SIPA1L3: variants seen among roughly 807,000 people sequenced by gnomAD.
The protein encoded by SIPA1L3 is signal-induced proliferation-associated 1-like protein 3.
A neutral mutation model predicts 150.1 loss-of-function variants in SIPA1L3; 59 were observed. The ratio of observed to expected loss-of-function variants is 0.39; its 90% CI spans 0.32 to 0.49. The LOEUF (loss-of-function observed/expected upper bound fraction) is 0.49, where lower values mean the gene tolerates loss of function less well. Ranked by LOEUF, SIPA1L3 falls within the 20% of genes least tolerant of loss-of-function variation. SIPA1L3 has a pLI of 0.86. For missense variants in SIPA1L3, 2,211 were observed against 2,489.5 expected, an observed-to-expected ratio of 0.89 and a Z score of 2.38; for synonymous variants, 1,070 against 1,077.6, an observed-to-expected ratio of 0.99 and a Z score of 0.14.
chr19:37,977,326 G>A (rs1444177603), intron 1 of SIPA1L3, among the ~76,000 whole-genome samples: 3 of 151,226 alleles, frequency 2.0e-5, no homozygotes, highest in African/African-American at 4.9e-5. Context: ...CACCATGCCC[G>A]GCTAATTTTT....
At chr19:37,939,844 A>G (rs1302280532) in intron 1 of SIPA1L3, among the ~76,000 whole-genome samples, 1 of 152,180 alleles carries the variant, frequency 6.6e-6, no homozygotes, top group Admixed American at 6.6e-5. Flanking sequence ...GCAGCCGGTA[A>G]TGTCACTAGT....
intron 15 of SIPA1L3, among the ~76,000 whole-genome samples, chr19:38,178,701 C>G (rs1972498104): frequency 6.6e-6 from 1 of 152,252 alleles, no homozygotes; most frequent in Non-Finnish European, 1.5e-5. Flanking sequence ...TGGTCTCGAT[C>G]TCCTGACCTC....
intron 1 of SIPA1L3, among the ~76,000 whole-genome samples, chr19:37,962,463 CTTTTTTT>C (rs71177491): frequency 1.4e-5 from 1 of 73,102 alleles, no homozygotes; most frequent in Non-Finnish European, 2.3e-5. Flanking sequence ...TGCAGCCGGC[CTTTTTTT>C]TTTTTTTTTT....
At chr19:38,022,758 A>G (rs1380775495) in intron 1 of SIPA1L3, among the ~76,000 whole-genome samples, 1 of 152,222 alleles carries the variant, frequency 6.6e-6, no homozygotes, top group Non-Finnish European at 1.5e-5. Flanking sequence ...AACAGAAAAC[A>G]GTGCCTGGCA....
At chr19:38,137,241 T>C (rs1802939959) in intron 10 of SIPA1L3, among the ~76,000 whole-genome samples, 1 of 152,090 alleles carries the variant, frequency 6.6e-6, no homozygotes, top group Non-Finnish European at 1.5e-5. Context: ...CAGGCTGGAG[T>C]GCAGTGGCAT....
At chr19:38,113,570 T>C (rs1285699669) in intron 8 of SIPA1L3, among the ~76,000 whole-genome samples, 1 of 149,514 alleles carries the variant, frequency 6.7e-6, no homozygotes, top group Admixed American at 6.6e-5. Flanking sequence ...GTGAGCCCCA[T>C]TGCACTCCAG....
intron 9 of SIPA1L3, 35 bp from the exon 10 acceptor site, chr19:38,130,463 A>G: frequency 6.3e-7 from 1 of 1,585,296 alleles, no homozygotes; most frequent in South Asian, 1.2e-5. Context: ...TGACCCAAGC[A>G]GCTTCTGAGG....
chr19:38,032,842 G>C (rs1968683494), intron 2 of SIPA1L3, among the ~76,000 whole-genome samples: 1 of 119,252 alleles, frequency 8.4e-6, no homozygotes, highest in Non-Finnish European at 1.7e-5. Flanking sequence ...AACAGAGCGA[G>C]ACTCGGTCTC....
At chr19:38,124,672 G>A (rs1052572770) in intron 9 of SIPA1L3, among the ~76,000 whole-genome samples, 2 of 152,210 alleles carry the variant, frequency 1.3e-5, no homozygotes, top group African/African-American at 4.8e-5. Context: ...GGAGGTTGTA[G>A]CAAGCCGAGA....
At chr19:38,188,427 C>T (rs1972734783) in intron 16 of SIPA1L3, among the ~76,000 whole-genome samples, 3 of 151,652 alleles carry the variant, frequency 2.0e-5, no homozygotes, top group Non-Finnish European at 2.9e-5. Flanking sequence ...TCAAGTGTTC[C>T]ACCTGCCTTG....
chr19:37,917,290 C>T (rs774424528), intron 1 of SIPA1L3, among the ~76,000 whole-genome samples: 5 of 152,108 alleles, frequency 3.3e-5, no homozygotes, highest in Non-Finnish European at 5.9e-5. Flanking sequence ...ATGAGATTCA[C>T]GTGTAAATCA....
chr19:38,199,262 C>A (rs1973033637), intron 19 of SIPA1L3, among the ~76,000 whole-genome samples: 2 of 152,256 alleles, frequency 1.3e-5, no homozygotes, highest in Admixed American at 6.5e-5. Flanking sequence ...GGGGCCAGGA[C>A]AGCCAGTTCC....
At chr19:38,003,845 G>T (rs1044059978) in intron 1 of SIPA1L3, among the ~76,000 whole-genome samples, 3 of 152,116 alleles carry the variant, frequency 2.0e-5, no homozygotes, top group African/African-American at 2.4e-5. Context: ...GGCTTCCTCC[G>T]CCACCCAGCA....
chr19:38,134,415 A>G (rs889797403), intron 10 of SIPA1L3, among the ~76,000 whole-genome samples: 4 of 149,100 alleles, frequency 2.7e-5, no homozygotes, highest in Admixed American at 1.3e-4. Context: ...AAAAAAAAAA[A>G]AAAAAAAAAA....
At position 37,944,277 on chromosome 19, in the gene SIPA1L3, C is replaced by CA. The variant is rs911462304; in HGVS notation, c.-379+36934dup. ...TGGGTGACAGAGTGAGACTCCGTCT[C>CA]AAAAAAAAAAAAAAAGCATGAAGAT... On this transcript the variant is annotated intron_variant, in intron 1 of 21. Coordinates refer to ENST00000222345, the MANE Select transcript of SIPA1L3 (RefSeq NM_015073.3). Among the ~76,000 whole-genome samples the CA allele has an allele frequency of 1.9e-3, 196 of 100,586 alleles. 1 individual carries two copies. Among genetic ancestry groups the CA allele is most frequent in the African/African-American group, 2.8e-3 (74 of 26,766 alleles). 66.0% of individuals were successfully genotyped at this position (100,586 alleles called of 152,430 possible).
chr19:38,123,821 T>C lies in SIPA1L3; in HGVS notation c.2868+3939T>C, dbSNP rs1431625048. Among the ~76,000 whole-genome samples, 3 of 120,868 alleles carry C rather than the reference T, an allele frequency of 2.5e-5. No individual in the cohort carries two copies. In the East Asian group the frequency reaches 6.7e-4, roughly 27 times the overall value. The allele number at this position is 120,868 out of a possible 152,430, so 79.3% of individuals were successfully genotyped here. ...GGTGGCGGCCGGGCAGAGGGGCTCC[T>C]CACTTCCCAGTAGGGGTGGCCGGGC... On this transcript the variant is annotated intron_variant, in intron 9 of 21. Transcript: ENST00000222345.
At chr19:38,132,472 T>C (rs1971333223) in intron 10 of SIPA1L3, among the ~76,000 whole-genome samples, 1 of 147,410 alleles carries the variant, frequency 6.8e-6, no homozygotes, top group Non-Finnish European at 1.5e-5. Flanking sequence ...TAATCCCAGC[T>C]ACTCGGGAGG....
At chr19:38,032,013 T>A (rs1301473486) in intron 2 of SIPA1L3, among the ~76,000 whole-genome samples, 1 of 152,138 alleles carries the variant, frequency 6.6e-6, no homozygotes, top group Non-Finnish European at 1.5e-5. Context: ...ATATCCCACA[T>A]CCCGCTTTTC....
chr19:38,107,408 T>G (rs957311939), intron 7 of SIPA1L3, among the ~76,000 whole-genome samples: 2 of 152,060 alleles, frequency 1.3e-5, no homozygotes, highest in Non-Finnish European at 2.9e-5. Flanking sequence ...TGGGTGGGTG[T>G]GGCTGCCAGC....
Sources: allele counts gnomAD v4.1 joint callset (sites outside exome capture counted in the v4.1 genomes callset), GRCh38; gene constraint gnomAD v4.1.1; transcripts MANE v1.5; gene names NCBI Gene and HGNC (gene_info 2026-07-23, HGNC 2026-07-21).